The following SORT1 variants were observed in gnomAD, a reference collection of about 807,000 sequenced individuals.
SORT1 encodes sortilin 1.
SORT1 carries 39 observed loss-of-function variants against 101.7 expected under a neutral mutation model. The ratio of observed to expected loss-of-function variants is 0.38; its 90% CI spans 0.30 to 0.50. The LOEUF is 0.50. Among genes scored for constraint, SORT1 ranks in the 20% least tolerant of loss-of-function variants. The pLI is 0.90. For missense variants in SORT1, 878 were observed against 1,040.4 expected (o/e 0.84, Z 2.15); for synonymous variants, 396 against 393.7 (o/e 1.01, Z -0.07).
At chr1:109,357,398 G>A (rs1046297272) in intron 3 of SORT1, among the ~76,000 whole-genome samples, 1 of 152,264 alleles carries the variant, frequency 6.6e-6, no homozygotes, top group African/African-American at 2.4e-5. Flanking sequence ...GCAGAACCAT[G>A]AGCAGTGTAA....
intron 2 of SORT1, chr1:109,368,398 C>T (rs1310335670): frequency 6.6e-6 from 1 of 150,764 alleles, no homozygotes; most frequent in African/African-American, 2.4e-5. Flanking sequence ...AAAAACTGAA[C>T]TATGCTTAAA....
At chr1:109,314,851 C>G in intron 17 of SORT1, 73 bp from the exon 18 acceptor site, 4 of 751,736 alleles carry the variant, frequency 5.3e-6, no homozygotes, top group Non-Finnish European at 9.4e-6. Context: ...GGCAGCCACT[C>G]ATTCCCCTCA....
intron 2 of SORT1, chr1:109,368,711 C>T (rs990361821): frequency 2.6e-5 from 4 of 152,312 alleles, no homozygotes; most frequent in Non-Finnish European, 5.9e-5. Flanking sequence ...GATCCTCCTT[C>T]CATTCCCCCA....
intron 1 of SORT1, among the ~76,000 whole-genome samples, chr1:109,396,114 G>A (rs959150027): frequency 1.3e-5 from 2 of 151,908 alleles, no homozygotes; most frequent in African/African-American, 2.4e-5. Context: ...ACAAAAATTA[G>A]CTAGGCATAG....
At chr1:109,385,244 G>A (rs1652502754) in intron 1 of SORT1, among the ~76,000 whole-genome samples, 1 of 152,098 alleles carries the variant, frequency 6.6e-6, no homozygotes, top group Non-Finnish European at 1.5e-5. Flanking sequence ...TGACGATTAA[G>A]TTCCTAAAAC....
chr1:109,343,970 T>C (rs1649411307), intron 8 of SORT1, among the ~76,000 whole-genome samples: 1 of 152,146 alleles, frequency 6.6e-6, no homozygotes, highest in Non-Finnish European at 1.5e-5. Flanking sequence ...TTCTTGATTT[T>C]TCTCCCACAA....
chr1:109,330,522 T>C (rs1278612363), intron 11 of SORT1, among the ~76,000 whole-genome samples: 1 of 152,048 alleles, frequency 6.6e-6, no homozygotes, highest in Non-Finnish European at 1.5e-5. Flanking sequence ...AATGTCTACA[T>C]TAAGAAAAAA....
intron 7 of SORT1, 92 bp downstream of exon 7, chr1:109,347,391 G>A (rs1649673839): frequency 1.2e-6 from 1 of 804,938 alleles, no homozygotes; most frequent in Non-Finnish European, 2.1e-6. Context: ...GGAGAATGGA[G>A]GGACCTTTTA....
chr1:109,340,146 CAAA>C (rs34790280), intron 10 of SORT1, among the ~76,000 whole-genome samples: 9 of 96,276 alleles, frequency 9.3e-5, no homozygotes, highest in Admixed American at 1.2e-4. Context: ...GATTCCATCT[CAAA>C]AAAAAAAAAA....
At chr1:109,374,881 C>A (rs1385532277) in intron 1 of SORT1, among the ~76,000 whole-genome samples, 1 of 152,124 alleles carries the variant, frequency 6.6e-6, no homozygotes, top group Non-Finnish European at 1.5e-5. Flanking sequence ...ATCGCTTGAA[C>A]CTGGGAGGTG....
At chr1:109,351,041 A>T (rs1649922665) in intron 5 of SORT1, 39 bp from the exon 6 acceptor site, 1 of 1,361,216 alleles carries the variant, frequency 7.3e-7, no homozygotes, top group Admixed American at 1.7e-5. Context: ...TTCTAGCTTT[A>T]TCCTGTGTAG....
At chr1:109,326,802 G>C in intron 13 of SORT1, 190 bp downstream of exon 13, 1 of 464,624 alleles carries the variant, frequency 2.2e-6, no homozygotes. Context: ...GCTAAAGGCA[G>C]TCAGAAGAAA....
intron 2 of SORT1, among the ~76,000 whole-genome samples, chr1:109,368,086 A>G (rs1651211375): frequency 6.6e-6 from 1 of 151,834 alleles, no homozygotes; most frequent in Admixed American, 6.6e-5. Flanking sequence ...TTGAGGTCAG[A>G]AGTTCGAGAC....
intron 3 of SORT1, among the ~76,000 whole-genome samples, chr1:109,358,499 T>C (rs1400501599): frequency 6.6e-6 from 1 of 152,172 alleles, no homozygotes; most frequent in African/African-American, 2.4e-5. Flanking sequence ...ATTAATAGCG[T>C]TATGAACAGC....
intron 1 of SORT1, among the ~76,000 whole-genome samples, chr1:109,381,945 G>A (rs995618631): frequency 6.6e-6 from 1 of 151,998 alleles, no homozygotes; most frequent in African/African-American, 2.4e-5. Flanking sequence ...TTATAGAATT[G>A]ATAGGGGTGC....
chr1:109,387,735 G>C (rs942869999), intron 1 of SORT1, among the ~76,000 whole-genome samples: 2 of 152,094 alleles, frequency 1.3e-5, no homozygotes, highest in African/African-American at 4.8e-5. Flanking sequence ...GGTGGATCAC[G>C]AGGTCAGGAG....
chr1:109,374,477 G>A (rs1393135883), intron 1 of SORT1, among the ~76,000 whole-genome samples: 1 of 152,022 alleles, frequency 6.6e-6, no homozygotes, highest in Non-Finnish European at 1.5e-5. Flanking sequence ...TGTAATCCCA[G>A]CTACTCAAGA....
chr1:109,314,226 G>GA (rs766500153), intron 19 of SORT1, 35 bp downstream of exon 19: 2 of 1,483,500 alleles, frequency 1.3e-6, no homozygotes, highest in South Asian at 2.3e-5. Context: ...TTTTTGGGGG[G>GA]GGGGGTACTA....
At chr1:109,389,927 C>G (rs1055328695) in intron 1 of SORT1, 6 of 152,212 alleles carry the variant, frequency 3.9e-5, no homozygotes, top group African/African-American at 1.4e-4. Flanking sequence ...CTCTCTCTTT[C>G]ACAAGTAAGT....
Sources: gnomAD v4.1 joint callset for allele counts (sites outside exome capture counted in the v4.1 genomes callset) on GRCh38, gnomAD v4.1.1 for gene constraint, MANE v1.5 for transcripts, NCBI Gene and HGNC (gene_info 2026-07-23, HGNC 2026-07-21) for gene names.